The following USP6NL variants were observed in gnomAD, a reference collection of about 807,000 sequenced individuals.
USP6NL encodes USP6 N-terminal-like protein.
A neutral mutation model predicts 61.9 loss-of-function variants in USP6NL; 26 were observed. That is an observed-to-expected ratio of 0.42 (90% CI 0.31 to 0.58). The LOEUF (loss-of-function observed/expected upper bound fraction) is 0.58. Among genes scored for constraint, USP6NL ranks in the 20% least tolerant of loss-of-function variants. The pLI is 0.16. For synonymous variants in USP6NL, 432 were observed against 390.1 expected, an observed-to-expected ratio of 1.11 and a Z score of -1.27; for missense variants, 1,114 against 1,034.3, an observed-to-expected ratio of 1.08 and a Z score of -1.06.
chr10:11,469,102 G>A (rs928142486), intron 14 of USP6NL, among the ~76,000 whole-genome samples: 13 of 152,110 alleles, frequency 8.5e-5, no homozygotes, highest in African/African-American at 1.4e-4. Context: ...AGTTTAACAC[G>A]TTCCATTTAT....
Position 11,600,270 on chromosome 10 carries a change from G to A in USP6NL, c.-83-2553C>T, listed in dbSNP as rs1205932309. Among the ~76,000 whole-genome samples the A allele has an allele frequency of 6.6e-6, 1 of 152,166 alleles. No homozygotes were observed. Among genetic ancestry groups the A allele is most frequent in the Non-Finnish European group, 1.5e-5 (1 of 68,034 alleles). On this transcript the variant is annotated intron_variant, in intron 1 of 14. Transcript: ENST00000609104. This position sits in a 1 kb window ranked among gnomAD's most constrained non-coding sequence, Gnocchi z 4.1. ...GCGTGGCCATATGACTTGCTGGAAT[G>A]GTTCTAACTGGAGGCTTGAGGAGCA... is the stretch of plus-strand genomic sequence containing the variant.
At position 11,513,598 on chromosome 10, in the gene USP6NL, G is replaced by A. The variant is rs940266343; in HGVS notation, c.196-3923C>T. On this transcript the variant is annotated intron_variant, in intron 5 of 14. Coordinates refer to ENST00000609104, the MANE Select transcript of USP6NL (RefSeq NM_014688.5). This position sits in a 1 kb window ranked among gnomAD's most constrained non-coding sequence, Gnocchi z 4.7. ...GCTAGATTTCATTTATACTATTTAG[G>A]TTTTTAGGGGGAACTGATCATTAGA... 3.3e-5 allele frequency among the ~76,000 whole-genome samples: 5 copies of A among 152,122 alleles called. No individual in the cohort carries two copies. Among genetic ancestry groups the A allele is most frequent in the African/African-American group, 1.2e-4 (5 of 41,416 alleles).
Position 11,510,879 on chromosome 10 carries a change from G to A in USP6NL, c.196-1204C>T, listed in dbSNP as rs927421771. Among the ~76,000 whole-genome samples, 6 of 152,282 alleles carry A rather than the reference G, an allele frequency of 3.9e-5. No individual in the cohort carries two copies. Among genetic ancestry groups the A allele is most frequent in the African/African-American group, 1.2e-4 (5 of 41,554 alleles). ...AGCCAGGCAAGCCTGGCTCCAGGAC[G>A]TACACTCTGAGCCACCACATCTCTG... On this transcript the variant is annotated intron_variant, in intron 5 of 14. Coordinates refer to ENST00000609104, the MANE Select transcript of USP6NL (RefSeq NM_014688.5). The surrounding 1 kb of genome is among the most constrained non-coding windows in gnomAD (Gnocchi z 4.8).
At chr10:11,506,142 A>G (rs1336095022) in intron 6 of USP6NL, among the ~76,000 whole-genome samples, 1 of 152,230 alleles carries the variant, frequency 6.6e-6, no homozygotes, top group African/African-American at 2.4e-5. Flanking sequence ...ATTTATTTCT[A>G]GGCAATATGC....
chr10:11,481,685 T>C lies in USP6NL; in HGVS notation c.1078+85A>G. The C allele has an allele frequency of 7.1e-7, 1 of 1,406,156 alleles. No homozygotes were observed. Among genetic ancestry groups the C allele is most frequent in the African/African-American group, 1.4e-5 (1 of 69,814 alleles). 87.1% of individuals were successfully genotyped at this position (1,406,156 alleles called of 1,614,324 possible). A position where few individuals can be genotyped will look rare whatever the true frequency, so the allele number is the denominator to read the frequency against. On this transcript the variant is annotated intron_variant, in intron 14 of 14. Transcript: ENST00000609104. This position sits in a 1 kb window ranked among gnomAD's most constrained non-coding sequence, Gnocchi z 4.4. ...CATCACAAGTATAATGCTTACGCTG[T>C]GGGCAAGAAACAGCCCATGTTAATT... is the stretch of plus-strand genomic sequence containing the variant.
At chr10:11,601,361 G>A (rs895943518) in intron 1 of USP6NL, among the ~76,000 whole-genome samples, 12 of 152,116 alleles carry the variant, frequency 7.9e-5, no homozygotes, top group Non-Finnish European at 1.8e-4. Flanking sequence ...GAAAAGCAAA[G>A]GAATGCCAGA....
At chr10:11,535,124 C>T (rs1835783814) in intron 2 of USP6NL, among the ~76,000 whole-genome samples, 1 of 152,184 alleles carries the variant, frequency 6.6e-6, no homozygotes, top group South Asian at 2.1e-4. Flanking sequence ...CCCGGCAGTG[C>T]CCCTAAAGGT....
chr10:11,466,320 G>A (rs1305443554), intron 14 of USP6NL, among the ~76,000 whole-genome samples: 1 of 152,220 alleles, frequency 6.6e-6, no homozygotes, highest in Non-Finnish European at 1.5e-5. Flanking sequence ...AGTGGAGAGT[G>A]TATCAGCTAT....
rs1285269825 is a variant in USP6NL at position 11,513,680 on chromosome 10, T to G, written c.196-4005A>C. On this transcript the variant is annotated intron_variant, in intron 5 of 14. Coordinates refer to ENST00000609104, the MANE Select transcript of USP6NL (RefSeq NM_014688.5). This position sits in a 1 kb window ranked among gnomAD's most constrained non-coding sequence, Gnocchi z 4.7. ...ATTTCAAGTACGTATCGCCTAAGAA[T>G]GAAAACACATTATCCTACATGATTA... Among the ~76,000 whole-genome samples the G allele has an allele frequency of 6.6e-6, 1 of 152,222 alleles. No homozygotes were observed. The highest frequency in any genetic ancestry group is 1.5e-5 in the Non-Finnish European group (1 of 68,042).
chr10:11,508,473 A>T (rs1834553074), intron 6 of USP6NL, among the ~76,000 whole-genome samples: 1 of 152,204 alleles, frequency 6.6e-6, no homozygotes, highest in Admixed American at 6.5e-5. Context: ...CTATAGTGAA[A>T]CTTTTGCACT....
chr10:11,462,697 C>A lies in USP6NL; in HGVS notation c.2231G>T (p.Arg744Ile). ...RTWSEVSYTYRPETQGQSWTR... is the reference protein window; with the variant it reads ...RTWSEVSYTYIPETQGQSWTR... ...CCATGATTGTCCCTGCGTCTCAGGT[C>A]TGTATGTATAACTAACTTCTGACCA... The change falls in exon 15 of 15, where the codon AGA (arginine) becomes ATA (isoleucine). Residue 744 changes from arginine to isoleucine, a missense_variant. By Grantham distance (97) the Arg-to-Ile change is moderately conservative. Transcript: ENST00000609104. The A allele has an allele frequency of 1.2e-6, 2 of 1,613,986 alleles. No individual in the cohort carries two copies. Among genetic ancestry groups the A allele is most frequent in the Non-Finnish European group, 1.7e-6 (2 of 1,179,898 alleles).
chr10:11,541,271 A>G (rs987204612), intron 2 of USP6NL, among the ~76,000 whole-genome samples: 2 of 122,676 alleles, frequency 1.6e-5, no homozygotes, highest in African/African-American at 3.1e-5. Flanking sequence ...ATATATATAT[A>G]TATATGTATG....
At chr10:11,517,775 A>T (rs1253117737) in intron 5 of USP6NL, among the ~76,000 whole-genome samples, 1 of 152,144 alleles carries the variant, frequency 6.6e-6, no homozygotes, top group Non-Finnish European at 1.5e-5. Context: ...TTCCAATTCC[A>T]ATTTCACCTT....
Position 11,501,193 on chromosome 10 carries a change from A to C in USP6NL, c.292T>G (p.Tyr98Asp). 6.2e-7 allele frequency: 1 copy of C among 1,609,682 alleles called. No homozygotes were observed. Among genetic ancestry groups the C allele is most frequent in the Non-Finnish European group, 8.5e-7 (1 of 1,178,762 alleles). The change falls in exon 7 of 15, where the codon TAC (tyrosine) becomes GAC (aspartate). Residue 98 changes from tyrosine (Y) to aspartate (D), a missense_variant. Transcript: ENST00000609104. ...KNTEKFHRRI[Y>D]KGIPLQLRGE... ...CTGAGCTGGAGTGGTATTCCTTTGT[A>C]AATTCGCCTATGAAACTTATTAAAA... is the stretch of plus-strand genomic sequence containing the variant.
In USP6NL at chr10:11,491,585, C is replaced by T. The variant is rs981849895; in HGVS notation, c.495-705G>A. ...CTCTGAACCAACAGGCAAAGAAGGA[C>T]GTGGCTGTGTGGGCTGGGGGGATTA... On this transcript the variant is annotated intron_variant, in intron 8 of 14. Coordinates refer to ENST00000609104, the MANE Select transcript of USP6NL (RefSeq NM_014688.5). This position sits in a 1 kb window ranked among gnomAD's most constrained non-coding sequence, Gnocchi z 4.7. Among the ~76,000 whole-genome samples the T allele has an allele frequency of 3.3e-5, 5 of 152,142 alleles. No individual in the cohort carries two copies. The highest frequency in any genetic ancestry group is 6.5e-5 in the Admixed American group (1 of 15,280).
At position 11,463,757 on chromosome 10, in the gene USP6NL, T is replaced by C; in HGVS notation, c.1171A>G (p.Ser391Gly). Residue 391 changes from serine to glycine, a missense_variant, in exon 15 of 15, where the codon AGC becomes GGC. By Grantham distance (56) the Ser-to-Gly change is moderately conservative. Transcript: ENST00000609104. This position sits in a 1 kb window ranked among gnomAD's most constrained non-coding sequence, Gnocchi z 6.3. The part of the protein sequence containing the change: ...GVHHLSNGQR[S>G]VGRPSPLASG... ...GCCAGCGGGCTCGGCCGGCCCACGC[T>C]CCTCTGTCCGTTGCTCAAGTGATGG... 5 of 1,577,144 alleles carry C rather than the reference T, an allele frequency of 3.2e-6. No homozygotes were observed. Among genetic ancestry groups the C allele is most frequent in the Non-Finnish European group, 4.3e-6 (5 of 1,161,040 alleles).
intron 7 of USP6NL, among the ~76,000 whole-genome samples, chr10:11,498,542 A>T (rs1413134572): frequency 1.3e-5 from 2 of 152,088 alleles, no homozygotes; most frequent in Non-Finnish European, 2.9e-5. Flanking sequence ...TAAGATAAAT[A>T]TAATAAGGAC....
intron 14 of USP6NL, among the ~76,000 whole-genome samples, chr10:11,475,766 T>C (rs1394326563): frequency 1.3e-4 from 19 of 151,974 alleles, no homozygotes. Context: ...CAAGACATCA[T>C]CCACAGATTA....
intron 2 of USP6NL, among the ~76,000 whole-genome samples, chr10:11,571,847 T>C (rs1837376158): frequency 6.6e-6 from 1 of 151,154 alleles, no homozygotes; most frequent in African/African-American, 2.4e-5. Context: ...AAAAAATCTA[T>C]GTATATACTT....
Sources: gnomAD v4.1 joint callset for allele counts (sites outside exome capture counted in the v4.1 genomes callset) on GRCh38, gnomAD v4.1.1 for gene constraint, Gnocchi (gnomAD v3.1) non-coding constraint, MANE v1.5 for transcripts, NCBI Gene and HGNC (gene_info 2026-07-23, HGNC 2026-07-21) for gene names.